RASSF3: variants seen among roughly 807,000 people sequenced by gnomAD.
RASSF3 encodes Ras association domain family member 3, also known as ras association domain-containing protein 3.
A neutral mutation model predicts 19.9 loss-of-function variants in RASSF3; 19 were observed. The ratio of observed to expected loss-of-function variants is 0.96; its 90% CI spans 0.67 to 1.40. The LOEUF is 1.40. RASSF3 is among the 40% of genes most tolerant of loss of function. RASSF3 has a pLI of 0.00. For missense variants in RASSF3, 306 were observed against 289.8 expected (o/e 1.06, Z -0.41); for synonymous variants, 110 against 104.2 (o/e 1.06, Z -0.34).
chr12:64,609,742 C>A (rs1870269176), upstream of RASSF3, among the ~76,000 whole-genome samples: 1 of 151,986 alleles, frequency 6.6e-6, no homozygotes, highest in African/African-American at 2.4e-5. Context: ...GGGACATTTA[C>A]AAAGCACATT....
chr12:64,530,992 C>G (rs571087026), upstream of RASSF3, among the ~76,000 whole-genome samples: 3 of 152,288 alleles, frequency 2.0e-5, no homozygotes, highest in African/African-American at 7.2e-5. Flanking sequence ...TACTTTCAGT[C>G]TCTCGTCTTT....
intron 1 of RASSF3, among the ~76,000 whole-genome samples, chr12:64,516,618 C>CAAAAAAAAAAAAAAAAA (rs200931603): frequency 2.7e-5 from 3 of 109,122 alleles, no homozygotes; most frequent in African/African-American, 9.9e-5. Flanking sequence ...GACTCCGTCT[C>CAAAAAAAAAAAAAAAAA]AAAAAAAAAA....
At chr12:64,585,294 C>T (rs1455446164) in intron 2 of RASSF3, among the ~76,000 whole-genome samples, 2 of 152,144 alleles carry the variant, frequency 1.3e-5, no homozygotes, top group East Asian at 3.9e-4. Flanking sequence ...ATGATCTAGC[C>T]ACCACGCCTG....
At chr12:64,673,808 G>C (rs1375263429) in intron 1 of RASSF3, among the ~76,000 whole-genome samples, 1 of 151,788 alleles carries the variant, frequency 6.6e-6, no homozygotes, top group Non-Finnish European at 1.5e-5. Flanking sequence ...GAACACATCA[G>C]ACTGGGATTT....
chr12:64,553,435 G>C (rs1869198957), intron 2 of RASSF3, among the ~76,000 whole-genome samples: 1 of 152,162 alleles, frequency 6.6e-6, no homozygotes, highest in Admixed American at 6.6e-5. Flanking sequence ...AAATTTGGAA[G>C]AGTTATTAAG....
intron 1 of RASSF3, among the ~76,000 whole-genome samples, chr12:64,662,929 T>C (rs1233449220): frequency 6.6e-6 from 1 of 152,118 alleles, no homozygotes; most frequent in African/African-American, 2.4e-5. Flanking sequence ...CAGGGGGAGA[T>C]GTCTTTGGAT....
At chr12:64,609,283 C>G (rs1334318736), upstream of RASSF3, 3 of 152,250 alleles carry the variant, frequency 2.0e-5, no homozygotes, top group Non-Finnish European at 4.4e-5. Context: ...CAGCCACTTT[C>G]CTTTCTTTAA....
chr12:64,624,211 G>A (rs1476248922), intron 1 of RASSF3, among the ~76,000 whole-genome samples: 1 of 151,910 alleles, frequency 6.6e-6, no homozygotes, highest in African/African-American at 2.4e-5. Flanking sequence ...CATTCCTAAA[G>A]GAGGAAGCTC....
At position 64,664,775 on chromosome 12, in the gene RASSF3, A is replaced by G. The variant is rs868387532; in HGVS notation, c.112-20012A>G. Among the ~76,000 whole-genome samples, 4 of 152,192 alleles carry G rather than the reference A, an allele frequency of 2.6e-5. No individual in the cohort carries two copies. The South Asian group carries it at 8.3e-4, about 31-fold the overall frequency. On this transcript the variant is annotated intron_variant, in intron 1 of 4. Transcript: ENST00000542104. The stretch of plus-strand genomic sequence containing the variant: ...CAAATCACAAAATTACTCAATAGTT[A>G]TAGAAGACAGCTCTGATTTTGGGGG...
At chr12:64,621,138 G>C (rs938571634) in intron 1 of RASSF3, among the ~76,000 whole-genome samples, 5 of 152,154 alleles carry the variant, frequency 3.3e-5, no homozygotes. Context: ...GTTTCACCAT[G>C]TTGGCCAGGC....
intron 2 of RASSF3, among the ~76,000 whole-genome samples, chr12:64,582,976 G>A (rs537215017): frequency 1.1e-4 from 16 of 152,224 alleles, no homozygotes; most frequent in African/African-American, 3.9e-4. Context: ...ATCAATCTTT[G>A]TGCATAGCAG....
At chr12:64,583,067 C>A (rs1180862439) in intron 2 of RASSF3, among the ~76,000 whole-genome samples, 1 of 152,014 alleles carries the variant, frequency 6.6e-6, no homozygotes, top group African/African-American at 2.4e-5. Flanking sequence ...CAGTTCTCTC[C>A]CCTGGAGAGA....
intron 1 of RASSF3, among the ~76,000 whole-genome samples, chr12:64,643,505 G>A (rs374803789): frequency 6.3e-4 from 95 of 151,916 alleles, no homozygotes; most frequent in African/African-American, 2.2e-3. Context: ...CTTGTGAATA[G>A]CCACTGCATT....
At chr12:64,546,559 T>G (rs1253942616), downstream of RASSF3, among the ~76,000 whole-genome samples, 2 of 152,224 alleles carry the variant, frequency 1.3e-5, no homozygotes, top group African/African-American at 4.8e-5. Flanking sequence ...CGTGAGCCAC[T>G]GCACCTGGCC....
In RASSF3 at chr12:64,641,899, C is replaced by G. The variant is rs898385763; in HGVS notation, c.111+31156C>G. Among the ~76,000 whole-genome samples the G allele has an allele frequency of 2.6e-5, 4 of 151,802 alleles. No individual in the cohort carries two copies. The East Asian group carries it at 7.9e-4, about 30-fold the overall frequency. Reference sequence around the variant, plus strand: ...CTGGGATAACAGGCATGTGCCACCACGCCCGGCTAATTTTGTATCTTTAGT... The same window carrying G: ...CTGGGATAACAGGCATGTGCCACCAGGCCCGGCTAATTTTGTATCTTTAGT... On this transcript the variant is annotated intron_variant, in intron 1 of 4. Transcript: ENST00000542104.
intron 1 of RASSF3, among the ~76,000 whole-genome samples, chr12:64,635,253 C>T (rs1036838834): frequency 2.6e-5 from 4 of 152,048 alleles, no homozygotes; most frequent in Admixed American, 6.5e-5. Flanking sequence ...CATGCCTGGC[C>T]GTAGTTTTTT....
At chr12:64,568,551 C>A (rs1437439654) in intron 2 of RASSF3, among the ~76,000 whole-genome samples, 2 of 152,126 alleles carry the variant, frequency 1.3e-5, no homozygotes, top group Admixed American at 1.3e-4. Flanking sequence ...TCCCCTTCCT[C>A]TGTCTCCGAA....
intron 2 of RASSF3, among the ~76,000 whole-genome samples, chr12:64,579,087 G>A (rs1869643649): frequency 2.0e-5 from 3 of 151,050 alleles, no homozygotes; most frequent in Admixed American, 6.6e-5. Context: ...AGATTGAGCC[G>A]TTGCACTCCA....
chr12:64,543,176 G>C (rs1279782842), downstream of RASSF3, among the ~76,000 whole-genome samples: 3 of 66,818 alleles, frequency 4.5e-5, no homozygotes, highest in Non-Finnish European at 1.1e-4. Context: ...GGCGGGCCCC[G>C]CACTTGGAGT....
Sources: allele counts gnomAD v4.1 joint callset (sites outside exome capture counted in the v4.1 genomes callset), GRCh38; gene constraint gnomAD v4.1.1; transcripts MANE v1.5; gene names NCBI Gene and HGNC (gene_info 2026-07-23, HGNC 2026-07-21).